PARVB: variants seen among roughly 807,000 people sequenced by gnomAD.
The protein encoded by PARVB is parvin beta.
Under a neutral mutation model 47.0 loss-of-function variants are expected in PARVB, and 46 were observed. The observed-to-expected ratio is 0.98, with a 90% CI of 0.77 to 1.25. The LOEUF (loss-of-function observed/expected upper bound fraction) is 1.25, where lower values mean the gene tolerates loss of function less well. PARVB is among the 50% of genes most tolerant of loss of function. The pLI is 0.00. For synonymous variants in PARVB, 196 were observed against 196.3 expected, an observed-to-expected ratio of 1.00 and a Z score of 0.01; for missense variants, 473 against 471.6, an observed-to-expected ratio of 1.00 and a Z score of -0.03.
chr22:44,142,836 C>G (rs1253947391), intron 8 of PARVB: 1 of 152,276 alleles, frequency 6.6e-6, no homozygotes. Context: ...CGGTGACAGG[C>G]AATTAGTTCC....
intron 11 of PARVB, chr22:44,162,856 AT>A (rs750531807): frequency 2.0e-5 from 3 of 152,340 alleles, no homozygotes; most frequent in Non-Finnish European, 4.4e-5. Flanking sequence ...CTTCAGGTAC[AT>A]TTGGGGGCTG....
At chr22:44,043,189 C>T (rs1382891827) in intron 1 of PARVB, among the ~76,000 whole-genome samples, 3 of 152,104 alleles carry the variant, frequency 2.0e-5, no homozygotes, top group African/African-American at 7.2e-5. Context: ...ATTTGAATAT[C>T]TAGAATAGGC....
intron 12 of PARVB, among the ~76,000 whole-genome samples, chr22:44,165,565 C>T (rs1355985837): frequency 6.6e-6 from 1 of 152,238 alleles, no homozygotes; most frequent in Non-Finnish European, 1.5e-5. Context: ...TTGCCTCTCC[C>T]CAGCTGTGCA....
intron 12 of PARVB, among the ~76,000 whole-genome samples, chr22:44,166,821 C>T (rs953475438): frequency 1.3e-5 from 2 of 152,246 alleles, no homozygotes; most frequent in Non-Finnish European, 2.9e-5. Context: ...ACTTTTCCTT[C>T]TTCATTCAAA....
intron 3 of PARVB, 96 bp downstream of exon 3, chr22:44,100,219 G>A (rs1283723884): frequency 3.2e-6 from 3 of 925,294 alleles, no homozygotes; most frequent in East Asian, 2.4e-5. Context: ...TAAACCCGGG[G>A]CTCCTGAAAG....
Position 44,089,876 on chromosome 22 carries a change from T to G in PARVB, c.113-4052T>G, listed in dbSNP as rs1445990659. On this transcript the variant is annotated intron_variant, in intron 1 of 12. Coordinates refer to ENST00000338758, the MANE Select transcript of PARVB (RefSeq NM_013327.5). This position sits in a 1 kb window ranked among gnomAD's most constrained non-coding sequence, Gnocchi z 4.0. ...GCAAAGAGCCCCGAAGGCCCTTTCC[T>G]TAGCCTGGCCATATTTCAAGGCCAG... Among the ~76,000 whole-genome samples the G allele has an allele frequency of 1.3e-5, 2 of 152,230 alleles. No homozygotes were observed. The highest frequency in any genetic ancestry group is 4.8e-5 in the African/African-American group (2 of 41,462).
rs2052656890 is a variant in PARVB, at chr22:44,110,040, G to A, written c.274-8998G>A. On this transcript the variant is annotated intron_variant, in intron 3 of 12. Transcript: ENST00000338758. ...AGGCAGGAGAATGGCGTGAACCCGGGAGGCGGAGCTTGCAGTGAGCCGAGA... is the reference window on the plus strand; with the variant it reads ...AGGCAGGAGAATGGCGTGAACCCGGAAGGCGGAGCTTGCAGTGAGCCGAGA... 2.7e-5 allele frequency: 4 copies of A among 146,990 alleles called. No individual in the cohort carries two copies. In the South Asian group the frequency reaches 8.7e-4, roughly 32 times the overall value. 9.1% of individuals were successfully genotyped at this position (146,990 alleles called of 1,614,324 possible). A position where few individuals can be genotyped will look rare whatever the true frequency, so the allele number is the denominator to read the frequency against.
chr22:44,094,987 G>C (rs1025449876), intron 2 of PARVB, among the ~76,000 whole-genome samples: 9 of 151,464 alleles, frequency 5.9e-5, no homozygotes, highest in African/African-American at 1.7e-4. Flanking sequence ...CATGTCCCCA[G>C]GGCCAGGGGA....
rs555954740 is a variant in PARVB at position 44,080,478 on chromosome 22, C to T, written c.113-13450C>T. 1.2e-4 allele frequency among the ~76,000 whole-genome samples: 18 copies of T among 152,312 alleles called. No individual in the cohort carries two copies. In the South Asian group the frequency reaches 3.3e-3, roughly 28 times the overall value. ...TCTCCCGATCTTTCTCTGTCTCCTT[C>T]GCCACACCTCCTCTGGCTCTGGCCC... is the stretch of plus-strand genomic sequence containing the variant. On this transcript the variant is annotated intron_variant, in intron 1 of 12. Coordinates refer to ENST00000338758, the MANE Select transcript of PARVB (RefSeq NM_013327.5).
Position 44,163,905 on chromosome 22 carries a change from C to T in PARVB, c.993C>T (p.Leu331=), listed in dbSNP as rs1281954872. ...TTGAGCTGATGCTGGACGGAGGCCT[C>T]AAGAAACCCAAGGCTCGTCCTGAAG... ...FAFELMLDGG[L]KKPKARPEDV... Residue 331 remains leucine, a synonymous_variant, in exon 12 of 13, where the codon CTC becomes CTT. Coordinates refer to ENST00000338758, the MANE Select transcript of PARVB (RefSeq NM_013327.5). The T allele has an allele frequency of 2.5e-6, 4 of 1,610,804 alleles. No individual in the cohort carries two copies. Among genetic ancestry groups the T allele is most frequent in the Non-Finnish European group, 3.4e-6 (4 of 1,178,624 alleles).
chr22:44,069,629 A>G (rs1182546367), intron 1 of PARVB, among the ~76,000 whole-genome samples: 1 of 152,000 alleles, frequency 6.6e-6, no homozygotes, highest in Non-Finnish European at 1.5e-5. Context: ...CCCAGGTTCA[A>G]GTGATCCTCC....
Position 44,119,119 on chromosome 22 carries a change from C to T in PARVB, c.355C>T (p.Gln119Ter), listed in dbSNP as rs1198046374. 1 of 1,613,136 alleles carries T rather than the reference C, an allele frequency of 6.2e-7. No individual in the cohort carries two copies. The highest frequency in any genetic ancestry group is 1.3e-5 in the African/African-American group (1 of 74,916). Residue 119 changes from glutamine to a stop codon, truncating the protein, a stop_gained, in exon 4 of 13, where the codon CAG (glutamine) becomes TAG (stop). Coordinates refer to ENST00000338758, the MANE Select transcript of PARVB (RefSeq NM_013327.5). LOFTEE classifies it high-confidence loss of function. The stretch of plus-strand genomic sequence containing the variant: ...GCTGGAGGAAGACCTGTATGACGGC[C>T]AGGTGCTGCAGAAGCTCTTGGGTGA... ...KQLEEDLYDGQVLQKLLEKLA... is the reference protein window; with the variant it reads ...KQLEEDLYDG
chr22:44,077,940 C>T (rs11703451), intron 1 of PARVB, among the ~76,000 whole-genome samples: 4,556 of 152,132 alleles, frequency 0.03, 79 homozygotes, highest in Middle Eastern at 0.068. Context: ...TCAAGTGATC[C>T]GCCCACCTCA....
chr22:44,144,952 C>G (rs547908646), intron 8 of PARVB: 1 of 152,472 alleles, frequency 6.6e-6, no homozygotes, highest in Non-Finnish European at 1.5e-5. Flanking sequence ...CGTCTGGCTT[C>G]GTCTTTTCTG....
intron 2 of PARVB, among the ~76,000 whole-genome samples, chr22:44,008,181 A>G (rs1603422110): frequency 6.6e-6 from 1 of 150,648 alleles, no homozygotes; most frequent in Non-Finnish European, 1.5e-5. Flanking sequence ...GCTCACTGCA[A>G]CCTCCGCCTC....
intron 3 of PARVB, chr22:44,108,683 A>G (rs531261009): frequency 1.3e-5 from 2 of 152,266 alleles, no homozygotes; most frequent in Non-Finnish European, 2.9e-5. Flanking sequence ...CTCACAAAGT[A>G]CATTCTCAAG....
chr22:44,136,509 C>T lies in PARVB; in HGVS notation c.683C>T (p.Thr228Ile). 6.2e-7 allele frequency: 1 copy of T among 1,613,948 alleles called. No homozygotes were observed. The highest frequency in any genetic ancestry group is 2.2e-5 in the East Asian group (1 of 44,880). The part of the protein sequence containing the change: ...HSSHISEELT[T>I]TTEMMMGRFE... ...AGCCACATCTCGGAGGAGCTGACCACAACTACAGAGTAAGTGGACCCCTGT... is the reference window on the plus strand; with the variant it reads ...AGCCACATCTCGGAGGAGCTGACCATAACTACAGAGTAAGTGGACCCCTGT... Residue 228 changes from threonine (T) to isoleucine (I), a missense_variant, in exon 7 of 13, where the codon ACA becomes ATA. Transcript: ENST00000338758.
At chr22:44,099,972 G>C in intron 2 of PARVB, 81 bp from the exon 3 acceptor site, 1 of 1,108,036 alleles carries the variant, frequency 9.0e-7, no homozygotes, top group Non-Finnish European at 1.4e-6. Context: ...ATTTGTCAGA[G>C]ATGAGTTGGC....
chr22:44,056,373 C>T (rs1007828628), intron 1 of PARVB, among the ~76,000 whole-genome samples: 5 of 152,234 alleles, frequency 3.3e-5, no homozygotes, highest in Admixed American at 2.0e-4. Context: ...GGCACACACA[C>T]GGATGCAGCG....
Sources: allele counts gnomAD v4.1 joint callset (sites outside exome capture counted in the v4.1 genomes callset), GRCh38; gene constraint gnomAD v4.1.1; non-coding constraint Gnocchi (gnomAD v3.1); transcripts MANE v1.5; gene names NCBI Gene and HGNC (gene_info 2026-07-23, HGNC 2026-07-21).